The following WWOX variants were observed in gnomAD, a reference collection of about 807,000 sequenced individuals.
WWOX encodes WW domain containing oxidoreductase, also known as WW domain-containing oxidoreductase.
Under a neutral mutation model 46.2 loss-of-function variants are expected in WWOX, and 69 were observed. The ratio of observed to expected loss-of-function variants is 1.49; its 90% CI spans 1.23 to 1.82. WWOX has a LOEUF of 1.82. WWOX is among the 40% of genes most tolerant of loss of function. The pLI, the probability that WWOX is intolerant of heterozygous loss-of-function variation, is 0.00. For missense variants in WWOX, 919 were observed against 542.6 expected (o/e 1.69, Z -6.89); for synonymous variants, 359 against 202.6 (o/e 1.77, Z -6.56).
chr16:78,507,065 A>T (rs1438986419), intron 8 of WWOX, among the ~76,000 whole-genome samples: 2 of 152,160 alleles, frequency 1.3e-5, no homozygotes, highest in African/African-American at 4.8e-5. Context: ...AGGAGAAGCA[A>T]GATCTTTCTA....
Position 78,969,796 on chromosome 16 carries a change from G to A in WWOX, c.1057-241812G>A, listed in dbSNP as rs1006314517. On this transcript the variant is annotated intron_variant, in intron 8 of 8. Coordinates refer to ENST00000566780, the MANE Select transcript of WWOX (RefSeq NM_016373.4). Reference sequence around the variant, plus strand: ...CATTTACATGAAATACCCCAAAGAGGCAAATCTGCAGAAACAGAAAGTAGA... The same window carrying A: ...CATTTACATGAAATACCCCAAAGAGACAAATCTGCAGAAACAGAAAGTAGA... 3.9e-5 allele frequency among the ~76,000 whole-genome samples: 6 copies of A among 152,242 alleles called. No individual in the cohort carries two copies. The South Asian group carries it at 6.2e-4, about 16-fold the overall frequency.
chr16:78,796,887 G>C (rs1348014219), intron 8 of WWOX, among the ~76,000 whole-genome samples: 1 of 149,900 alleles, frequency 6.7e-6, no homozygotes, highest in African/African-American at 2.5e-5. Flanking sequence ...GTGCAGTGGT[G>C]CGATCTCGGC....
chr16:78,636,504 T>G (rs1014982313), intron 8 of WWOX, among the ~76,000 whole-genome samples: 1 of 152,218 alleles, frequency 6.6e-6, no homozygotes, highest in Non-Finnish European at 1.5e-5. Context: ...CTGTGTACTA[T>G]CTTTTTTTTC....
intron 8 of WWOX, among the ~76,000 whole-genome samples, chr16:78,648,922 G>A (rs1303821857): frequency 6.6e-6 from 1 of 151,972 alleles, no homozygotes; most frequent in Non-Finnish European, 1.5e-5. Flanking sequence ...TTCCCACATG[G>A]CTTTTCCTGT....
At chr16:78,807,599 G>A (rs1479798138) in intron 8 of WWOX, among the ~76,000 whole-genome samples, 5 of 152,228 alleles carry the variant, frequency 3.3e-5, no homozygotes, top group East Asian at 1.9e-4. Flanking sequence ...GATGAAGCCA[G>A]TCAATTTCAT....
intron 8 of WWOX, among the ~76,000 whole-genome samples, chr16:79,134,495 G>A (rs1291729801): frequency 2.0e-5 from 3 of 152,044 alleles, no homozygotes; most frequent in Non-Finnish European, 2.9e-5. Context: ...TTGTGCCTGC[G>A]GATTGTTTGT....
intron 8 of WWOX, among the ~76,000 whole-genome samples, chr16:78,723,572 CTTTTCTTT>C (rs1251453865): frequency 3.0e-5 from 1 of 33,082 alleles, no homozygotes; most frequent in East Asian, 6.5e-4. Context: ...CTTTTCTTTT[CTTTTCTTT>C]TCTTTTCTTT....
chr16:78,643,486 C>T (rs192262759), intron 8 of WWOX, among the ~76,000 whole-genome samples: 20 of 152,216 alleles, frequency 1.3e-4, no homozygotes, highest in Admixed American at 8.5e-4. Flanking sequence ...AGCAATTAGG[C>T]GACTTCTAAC....
chr16:78,717,949 C>G (rs1050812510), intron 8 of WWOX, among the ~76,000 whole-genome samples: 5 of 151,752 alleles, frequency 3.3e-5, no homozygotes, highest in African/African-American at 1.2e-4. Flanking sequence ...AATGGATCCA[C>G]TTTTACTACA....
intron 8 of WWOX, among the ~76,000 whole-genome samples, chr16:78,949,804 T>C (rs2046022125): frequency 6.6e-6 from 1 of 152,218 alleles, no homozygotes; most frequent in South Asian, 2.1e-4. Flanking sequence ...TCCTACATTG[T>C]CTAGTGGGAG....
intron 8 of WWOX, chr16:79,203,484 G>A (rs1244501303): frequency 6.7e-6 from 1 of 149,888 alleles, no homozygotes; most frequent in Admixed American, 7.0e-5. Context: ...TGGCCCCAGC[G>A]GAGACCTTGT....
intron 6 of WWOX, among the ~76,000 whole-genome samples, chr16:78,394,837 C>A (rs1404737520): frequency 2.0e-5 from 3 of 152,212 alleles, no homozygotes; most frequent in Admixed American, 2.0e-4. Context: ...AACCTGTATG[C>A]CCTGGAGTAG....
At chr16:78,955,821 T>C (rs1188019212) in intron 8 of WWOX, among the ~76,000 whole-genome samples, 1 of 151,680 alleles carries the variant, frequency 6.6e-6, no homozygotes, top group Non-Finnish European at 1.5e-5. Flanking sequence ...CTAATTTATT[T>C]TTTGTAAAGA....
intron 8 of WWOX, among the ~76,000 whole-genome samples, chr16:79,056,147 C>T (rs2048257903): frequency 1.3e-5 from 2 of 151,772 alleles, no homozygotes; most frequent in South Asian, 4.2e-4. Flanking sequence ...CCATCAGCAC[C>T]TCCCTGTCTT....
chr16:78,351,880 C>T (rs368497274), intron 5 of WWOX, among the ~76,000 whole-genome samples: 2 of 152,182 alleles, frequency 1.3e-5, no homozygotes, highest in East Asian at 1.9e-4. Context: ...TGGTCTCAAA[C>T]TCGTGACCTT....
intron 5 of WWOX, among the ~76,000 whole-genome samples, chr16:78,173,872 T>C (rs1017598783): frequency 9.9e-5 from 15 of 152,194 alleles, no homozygotes; most frequent in African/African-American, 3.1e-4. Flanking sequence ...GCCAACCTTG[T>C]TGAGTTCTTA....
chr16:78,617,261 G>A (rs1408362776), intron 8 of WWOX, among the ~76,000 whole-genome samples: 4 of 151,936 alleles, frequency 2.6e-5, no homozygotes, highest in African/African-American at 7.3e-5. Context: ...TATTAGGTGG[G>A]CGTGGTGGCG....
chr16:78,539,457 C>G (rs1045715103), intron 8 of WWOX, among the ~76,000 whole-genome samples: 2 of 152,210 alleles, frequency 1.3e-5, no homozygotes, highest in East Asian at 1.9e-4. Context: ...GAGTGCATTT[C>G]TCTTCCAGTA....
chr16:78,678,902 C>A (rs1298142957), intron 8 of WWOX, among the ~76,000 whole-genome samples: 1 of 152,192 alleles, frequency 6.6e-6, no homozygotes, highest in African/African-American at 2.4e-5. Flanking sequence ...GTTAAGCCAC[C>A]TACCCAGGCT....
Sources: allele counts gnomAD v4.1 joint callset (sites outside exome capture counted in the v4.1 genomes callset), GRCh38; gene constraint gnomAD v4.1.1; transcripts MANE v1.5; gene names NCBI Gene and HGNC (gene_info 2026-07-23, HGNC 2026-07-21).